BAIAP2L1: variants seen among roughly 807,000 people sequenced by gnomAD.
The protein encoded by BAIAP2L1 is BAR/IMD domain-containing adapter protein 2-like 1.
A neutral mutation model predicts 66.3 loss-of-function variants in BAIAP2L1; 35 were observed. The ratio of observed to expected loss-of-function variants is 0.53; its 90% CI spans 0.40 to 0.70. The LOEUF is 0.70. BAIAP2L1 is among the 30% of genes least tolerant of loss of function. BAIAP2L1 has a pLI of 0.00. For synonymous variants in BAIAP2L1, 269 were observed against 248.7 expected (o/e 1.08, Z -0.77); for missense variants, 622 against 656.9 (o/e 0.95, Z 0.58).
At chr7:98,374,123 A>AT (rs1412150999) in intron 1 of BAIAP2L1, among the ~76,000 whole-genome samples, 2 of 151,458 alleles carry the variant, frequency 1.3e-5, no homozygotes, top group Non-Finnish European at 2.9e-5. Context: ...TAATTTTTGG[A>AT]TTTTTTGTAG....
chr7:98,342,041 A>ATTTTTTTTTTTTT (rs142061599), intron 3 of BAIAP2L1, among the ~76,000 whole-genome samples: 2 of 95,070 alleles, frequency 2.1e-5, no homozygotes, highest in African/African-American at 7.9e-5. Flanking sequence ...TTTTTTTCTG[A>ATTTTTTTTTTTTT]TTTTTTTTTT....
chr7:98,335,016 G>A (rs1474267021), intron 3 of BAIAP2L1, among the ~76,000 whole-genome samples: 3 of 150,632 alleles, frequency 2.0e-5, no homozygotes, highest in South Asian at 2.1e-4. Context: ...AGCCGGGCGT[G>A]GTGGCGGGTG....
intron 9 of BAIAP2L1, 107 bp downstream of exon 9, chr7:98,310,338 G>A (rs1440865138): frequency 1.4e-5 from 18 of 1,288,076 alleles, no homozygotes; most frequent in Middle Eastern, 2.4e-4. Context: ...ATACCTGCTT[G>A]TTTACCTCCA....
At chr7:98,320,348 G>C in intron 3 of BAIAP2L1, 50 bp from the exon 4 acceptor site, 1 of 1,418,724 alleles carries the variant, frequency 7.0e-7, no homozygotes, top group Non-Finnish European at 9.7e-7. Flanking sequence ...GTATTTTTTT[G>C]TTTTGAAATG....
At chr7:98,397,254 A>G (rs1803233534) in intron 1 of BAIAP2L1, among the ~76,000 whole-genome samples, 1 of 151,370 alleles carries the variant, frequency 6.6e-6, no homozygotes, top group Non-Finnish European at 1.5e-5. Flanking sequence ...TCTGTTAGCA[A>G]GATTCCTGTA....
chr7:98,320,443 C>T, intron 3 of BAIAP2L1, 145 bp from the exon 4 acceptor site: 1 of 636,894 alleles, frequency 1.6e-6, no homozygotes, highest in South Asian at 2.0e-5. Flanking sequence ...TCAAACTATT[C>T]TCCTGCCTCA....
At chr7:98,312,391 T>A in intron 7 of BAIAP2L1, 127 bp from the exon 8 acceptor site, 1 of 1,024,154 alleles carries the variant, frequency 9.8e-7, no homozygotes, top group Non-Finnish European at 1.4e-6. Flanking sequence ...GGCCCTGGGT[T>A]AAACTCGGTG....
In BAIAP2L1 at chr7:98,350,782, C is replaced by CA. The variant is rs1801983230; in HGVS notation, c.214+4259dup. 2.0e-5 allele frequency among the ~76,000 whole-genome samples: 3 copies of CA among 152,276 alleles called. No individual in the cohort carries two copies. The South Asian group carries it at 6.2e-4, about 32-fold the overall frequency. ...TAGATCTCCCCTTCCCAAATAGAAA[C>CA]AGACTGGAAAGGATGGCTGTGGTCT... On this transcript the variant is annotated intron_variant, in intron 3 of 13. Transcript: ENST00000005260.
chr7:98,354,955 TGTTCTGGACTGGGCCATCCCACGC>T, intron 3 of BAIAP2L1, 63 bp downstream of exon 3: 1 of 950,338 alleles, frequency 1.1e-6, no homozygotes, highest in Admixed American at 1.8e-5. Context: ...ATCTCTCCTC[TGTTCTGGACTGGGCCATCCCACGC>T]GTTTCTCTTG....
intron 13 of BAIAP2L1, among the ~76,000 whole-genome samples, 163 bp downstream of exon 13, chr7:98,293,908 AAAG>A (rs1390562460): frequency 6.6e-6 from 1 of 152,206 alleles, no homozygotes; most frequent in Non-Finnish European, 1.5e-5. Flanking sequence ...AGCGTGGTCT[AAAG>A]TAGTTGGTAA....
At chr7:98,353,399 AC>A (rs1802043587) in intron 3 of BAIAP2L1, among the ~76,000 whole-genome samples, 1 of 136,874 alleles carries the variant, frequency 7.3e-6, no homozygotes, top group African/African-American at 2.8e-5. Flanking sequence ...TTATAAATAT[AC>A]ATAATATATA....
At chr7:98,395,645 A>G (rs1412764319) in intron 1 of BAIAP2L1, among the ~76,000 whole-genome samples, 17 of 152,198 alleles carry the variant, frequency 1.1e-4, no homozygotes, top group Non-Finnish European at 1.5e-5. Flanking sequence ...AAAAAGTTTT[A>G]AAAACAAATT....
intron 3 of BAIAP2L1, among the ~76,000 whole-genome samples, chr7:98,331,893 T>A (rs1444999402): frequency 6.6e-6 from 1 of 152,168 alleles, no homozygotes; most frequent in Admixed American, 6.6e-5. Flanking sequence ...AATACTTAAG[T>A]GTTGGAAGAA....
At chr7:98,308,196 T>C (rs1352036601) in intron 9 of BAIAP2L1, 1 of 559,438 alleles carries the variant, frequency 1.8e-6, no homozygotes, top group Non-Finnish European at 3.4e-6. Context: ...TCTGCACTGC[T>C]TTAGCCAGGA....
intron 1 of BAIAP2L1, among the ~76,000 whole-genome samples, chr7:98,366,797 A>T (rs1439245084): frequency 6.6e-6 from 1 of 152,168 alleles, no homozygotes; most frequent in Non-Finnish European, 1.5e-5. Context: ...GATCCTCTCT[A>T]CAAGATGGCA....
rs777162687 is a variant in BAIAP2L1 at position 98,315,586 on chromosome 7, C to G, written c.513G>C (p.Gln171His). Residue 171 changes from glutamine to histidine, a missense_variant, in exon 7 of 14, where the codon CAG becomes CAC. Coordinates refer to ENST00000005260, the MANE Select transcript of BAIAP2L1 (RefSeq NM_018842.5). The part of the protein sequence containing the change: ...IEYVETVTSR[Q>H]SEIQKFIADG... ...CTGCAATGAATTTCTGGATTTCACT[C>G]TGACGAGAAGTAACGGTCTCCACAT... 3 of 1,471,414 alleles carry G rather than the reference C, an allele frequency of 2.0e-6. No homozygotes were observed. Among genetic ancestry groups the G allele is most frequent in the East Asian group, 2.5e-5 (1 of 39,588 alleles). 91.1% of individuals were successfully genotyped at this position (1,471,414 alleles called of 1,614,324 possible).
intron 11 of BAIAP2L1, among the ~76,000 whole-genome samples, chr7:98,305,059 T>TG (rs1562966178): frequency 5.4e-5 from 8 of 146,864 alleles, no homozygotes; most frequent in Admixed American, 5.4e-4. Context: ...TTTTTTTTTT[T>TG]TTTTTTTTTT....
At chr7:98,376,305 A>T (rs6465679) in intron 1 of BAIAP2L1, among the ~76,000 whole-genome samples, 102,066 of 151,430 alleles carry the variant, frequency 0.67, 35,438 homozygotes, top group Middle Eastern at 0.76. Flanking sequence ...GGAGTTGAGA[A>T]CAGCCTGGGC....
chr7:98,304,521 C>T, intron 11 of BAIAP2L1, 145 bp from the exon 12 acceptor site: 4 of 834,026 alleles, frequency 4.8e-6, no homozygotes, highest in East Asian at 5.5e-5. Context: ...CAGACACACA[C>T]AGTACATATA....
Sources: allele counts gnomAD v4.1 joint callset (sites outside exome capture counted in the v4.1 genomes callset), GRCh38; gene constraint gnomAD v4.1.1; transcripts MANE v1.5; gene names NCBI Gene and HGNC (gene_info 2026-07-23, HGNC 2026-07-21).